Variants in DYNC2I2 observed in about 807,000 individuals in gnomAD.
DYNC2I2 encodes cytoplasmic dynein 2 intermediate chain 2.
A neutral mutation model predicts 52.0 loss-of-function variants in DYNC2I2; 39 were observed. The observed-to-expected ratio is 0.75, with a 90% CI of 0.58 to 0.98. DYNC2I2 has a LOEUF of 0.98. Among genes scored for constraint, DYNC2I2 ranks in the 50% least tolerant of loss-of-function variants. DYNC2I2 has a pLI of 0.00. For synonymous variants in DYNC2I2, 359 were observed against 321.1 expected (o/e 1.12, Z -1.26); for missense variants, 743 against 728.4 (o/e 1.02, Z -0.23).
At chr9:128,634,021 T>G (rs995560111) in intron 8 of DYNC2I2, 39 bp from the exon 9 acceptor site, 3 of 1,606,646 alleles carry the variant, frequency 1.9e-6, no homozygotes, top group African/African-American at 1.3e-5. Flanking sequence ...AGAGAAACTC[T>G]AGAGACCAAC....
intron 1 of DYNC2I2, among the ~76,000 whole-genome samples, chr9:128,655,335 T>TCAAAAAAAAAAAAA (rs1860796654): frequency 5.4e-5 from 1 of 18,684 alleles, no homozygotes; most frequent in African/African-American, 1.5e-4. Context: ...CCGTCTCTAC[T>TCAAAAAAAAAAAAA]AAAAAAAAAA....
chr9:128,646,835 T>C (rs898050444), intron 1 of DYNC2I2, among the ~76,000 whole-genome samples: 1 of 151,858 alleles, frequency 6.6e-6, no homozygotes, highest in African/African-American at 2.4e-5. Context: ...ATTTAAAAAT[T>C]AGCCAGGTTG....
chr9:128,643,817 G>A (rs1006126952), intron 1 of DYNC2I2, among the ~76,000 whole-genome samples: 11 of 152,182 alleles, frequency 7.2e-5, no homozygotes, highest in African/African-American at 2.4e-4. Flanking sequence ...GAGAACACAG[G>A]GCAGTTCTGT....
intron 5 of DYNC2I2, 167 bp from the exon 6 acceptor site, chr9:128,635,426 C>T (rs1860379254): frequency 2.2e-6 from 2 of 899,928 alleles, no homozygotes; most frequent in African/African-American, 3.4e-5. Context: ...CCAGGGCCCT[C>T]TCCAGTCCCA....
At chr9:128,649,492 C>G (rs1860683671) in intron 1 of DYNC2I2, among the ~76,000 whole-genome samples, 1 of 151,408 alleles carries the variant, frequency 6.6e-6, no homozygotes, top group Admixed American at 6.6e-5. Context: ...AGTTCGAGAC[C>G]AGCCTGGCCA....
At position 128,634,726 on chromosome 9, in the gene DYNC2I2, C is replaced by T. The variant is rs587777096; in HGVS notation, c.1177G>A (p.Gly393Ser). 9.4e-6 allele frequency: 15 copies of T among 1,590,442 alleles called. No homozygotes were observed. The highest frequency in any genetic ancestry group is 2.7e-5 in the African/African-American group (2 of 74,580). Reference protein sequence around the residue: ...PAQFTFSPHGGPIYSVSCSPF... With the variant: ...PAQFTFSPHGSPIYSVSCSPF... ...GAACAGCTCACAGAGTAGATGGGACCGCCGTGGGGGGAGAAGGTAAACTGT... is the reference window on the plus strand; with the variant it reads ...GAACAGCTCACAGAGTAGATGGGACTGCCGTGGGGGGAGAAGGTAAACTGT... The change falls in exon 7 of 9, where the codon GGT becomes AGT. Residue 393 changes from glycine (G) to serine (S), a missense_variant. Gly to Ser is a moderately conservative substitution (Grantham distance 56, BLOSUM62 0). Coordinates refer to ENST00000372715, the MANE Select transcript of DYNC2I2 (RefSeq NM_052844.4).
intron 2 of DYNC2I2, among the ~76,000 whole-genome samples, chr9:128,639,114 T>C (rs928740373): frequency 6.6e-6 from 1 of 151,752 alleles, no homozygotes; most frequent in Admixed American, 6.6e-5. Flanking sequence ...AAAAAAATTT[T>C]TTTGGCCAGG....
chr9:128,647,629 G>A (rs1344564600), intron 1 of DYNC2I2, among the ~76,000 whole-genome samples: 1 of 151,460 alleles, frequency 6.6e-6, no homozygotes, highest in Admixed American at 6.6e-5. Flanking sequence ...CAGCTACTCA[G>A]GAGGCTGAGA....
intron 4 of DYNC2I2, 89 bp downstream of exon 4, chr9:128,636,192 A>C (rs1290523846): frequency 2.0e-6 from 3 of 1,534,734 alleles, no homozygotes; most frequent in Non-Finnish European, 2.6e-6. Context: ...CTCCGGGCCA[A>C]AGGGCCCATG....
intron 1 of DYNC2I2, among the ~76,000 whole-genome samples, chr9:128,645,616 CAAAAAAA>C (rs59742854): frequency 1.9e-4 from 12 of 63,922 alleles, no homozygotes; most frequent in African/African-American, 6.6e-4. Flanking sequence ...GACTCCATCT[CAAAAAAA>C]AAAAAAAAAA....
At chr9:128,679,659 T>G in the DYNC2I2 span, among the ~76,000 whole-genome samples, 1 of 151,420 alleles carries the variant, frequency 6.6e-6, no homozygotes, top group Non-Finnish European at 1.5e-5. Flanking sequence ...TTTTGTTTTT[T>G]TTTTTGAGAT....
chr9:128,671,155 G>A, the DYNC2I2 span, among the ~76,000 whole-genome samples: 4 of 151,788 alleles, frequency 2.6e-5, no homozygotes, highest in Non-Finnish European at 4.4e-5. Context: ...GAAGAACTTC[G>A]GCTGGGCACA....
At chr9:128,665,923 A>C in the DYNC2I2 span, among the ~76,000 whole-genome samples, 1 of 151,162 alleles carries the variant, frequency 6.6e-6, no homozygotes, top group Non-Finnish European at 1.5e-5. Context: ...AAAAAAAAAA[A>C]AATTAGCCGG....
intron 1 of DYNC2I2, among the ~76,000 whole-genome samples, chr9:128,654,561 T>C (rs1860780822): frequency 6.6e-6 from 1 of 151,964 alleles, no homozygotes. Flanking sequence ...GCACTGACCT[T>C]TTTTTCCCCC....
intron 8 of DYNC2I2, 96 bp downstream of exon 8, chr9:128,634,130 A>G: frequency 2.5e-6 from 4 of 1,575,780 alleles, no homozygotes; most frequent in Non-Finnish European, 3.5e-6. Flanking sequence ...CCTTACCCCC[A>G]TGTGTGGTCT....
At chr9:128,642,793 C>T (rs1327909928) in intron 1 of DYNC2I2, among the ~76,000 whole-genome samples, 1 of 152,030 alleles carries the variant, frequency 6.6e-6, no homozygotes, top group Non-Finnish European at 1.5e-5. Context: ...ACTTGCCAGG[C>T]ATTGTCTGGG....
upstream of DYNC2I2, among the ~76,000 whole-genome samples, chr9:128,657,579 G>T (rs1860856745): frequency 6.6e-6 from 1 of 152,112 alleles, no homozygotes; most frequent in African/African-American, 2.4e-5. Context: ...AAGGCAGGAG[G>T]ATCGCTTGAA....
chr9:128,638,607 C>T (rs764454818), intron 2 of DYNC2I2, among the ~76,000 whole-genome samples: 2 of 152,130 alleles, frequency 1.3e-5, no homozygotes, highest in Non-Finnish European at 2.9e-5. Flanking sequence ...AGCCACACCC[C>T]GCGCACTGCT....
At chr9:128,675,008 C>T in the DYNC2I2 span, among the ~76,000 whole-genome samples, 15 of 152,158 alleles carry the variant, frequency 9.9e-5, no homozygotes, top group South Asian at 2.5e-3. Flanking sequence ...TCCCGGGGGT[C>T]TCAGAGACCA....
Sources: allele counts gnomAD v4.1 joint callset (sites outside exome capture counted in the v4.1 genomes callset), GRCh38; gene constraint gnomAD v4.1.1; transcripts MANE v1.5; gene names NCBI Gene and HGNC (gene_info 2026-07-23, HGNC 2026-07-21).